Variants in SLC18A1 observed in about 807,000 individuals in gnomAD.
The protein encoded by SLC18A1 is solute carrier family 18 member A1.
Under a neutral mutation model 53.7 loss-of-function variants are expected in SLC18A1, and 69 were observed. The observed-to-expected ratio is 1.28, with a 90% CI of 1.06 to 1.57. The LOEUF is 1.57. SLC18A1 is among the 40% of genes most tolerant of loss of function. The probability of loss-of-function intolerance (pLI) is 0.00; values close to 1 mark genes in which losing one functional copy is unlikely to be tolerated. For missense variants in SLC18A1, 932 were observed against 668.1 expected (o/e 1.40, Z -4.35); for synonymous variants, 320 against 248.1 (o/e 1.29, Z -2.72).
chr8:20,166,321 A>ATATATATG (rs1554537701), intron 8 of SLC18A1, among the ~76,000 whole-genome samples: 53 of 97,106 alleles, frequency 5.5e-4, no homozygotes, highest in Middle Eastern at 6.0e-3. Context: ...ATATATATAT[A>ATATATATG]TATATATATA....
intron 6 of SLC18A1, 49 bp downstream of exon 6, chr8:20,172,987 C>T: frequency 3.0e-6 from 4 of 1,353,560 alleles, no homozygotes; most frequent in Non-Finnish European, 4.1e-6. Context: ...ACACCTGCTT[C>T]CTAGAGTCCC....
Position 20,147,620 on chromosome 8 carries a change from C to CA in SLC18A1, c.1312dup (p.Cys438LeufsTer81), listed in dbSNP as rs2071434367. ...CAACATACCTATAGCAAAGCCCATG[C>CA]AAAAAGCCACATCAGCGATGGCGTA... On this transcript the variant is annotated frameshift_variant, in exon 14 of 16. Coordinates refer to ENST00000276373, the MANE Select transcript of SLC18A1 (RefSeq NM_003053.4). LOFTEE classifies it high-confidence loss of function. The CA allele has an allele frequency of 1.2e-6, 2 of 1,613,984 alleles. No individual in the cohort carries two copies. Among genetic ancestry groups the CA allele is most frequent in the South Asian group, 2.2e-5 (2 of 91,076 alleles).
rs1209376431 is a variant in SLC18A1 at position 20,173,069 on chromosome 8, T to A, written c.691A>T (p.Thr231Ser). 5 of 1,591,948 alleles carry A rather than the reference T, an allele frequency of 3.1e-6. No individual in the cohort carries two copies. The South Asian group carries it at 5.7e-5, about 18-fold the overall frequency. ...CCCAAGGCCAGGCCCCCCAGAGCAGTTCCCATGGCTCGTCCTCTCTCATGG... is the reference window on the plus strand; with the variant it reads ...CCCAAGGCCAGGCCCCCCAGAGCAGATCCCATGGCTCGTCCTCTCTCATGG... The part of the protein sequence containing the change: ...DDHERGRAMG[T>S]ALGGLALGLL... The change falls in exon 6 of 16, where the codon ACT becomes TCT. Residue 231 changes from threonine (T) to serine (S), a missense_variant. By Grantham distance (58) the Thr-to-Ser change is moderately conservative. Coordinates refer to ENST00000276373, the MANE Select transcript of SLC18A1 (RefSeq NM_003053.4).
intron 10 of SLC18A1, among the ~76,000 whole-genome samples, chr8:20,152,221 T>C (rs911884800): frequency 6.6e-6 from 1 of 152,164 alleles, no homozygotes; most frequent in Non-Finnish European, 1.5e-5. Context: ...GCCTGAAATA[T>C]AAGAGGAAAG....
chr8:20,153,205 A>G (rs2071602305), intron 10 of SLC18A1, among the ~76,000 whole-genome samples: 1 of 148,966 alleles, frequency 6.7e-6, no homozygotes, highest in East Asian at 1.9e-4. Flanking sequence ...TGAGACCAAC[A>G]GCGTGGTTGT....
chr8:20,159,664 G>A (rs57301256), intron 10 of SLC18A1, among the ~76,000 whole-genome samples: 7,212 of 81,800 alleles, frequency 0.088, 237 homozygotes, highest in Middle Eastern at 0.21. Flanking sequence ...AAAAAAAAAA[G>A]AAAGAAAAAG....
intron 10 of SLC18A1, among the ~76,000 whole-genome samples, chr8:20,152,939 A>C (rs752187227): frequency 1.7e-4 from 26 of 152,158 alleles, no homozygotes; most frequent in Non-Finnish European, 3.7e-4. Flanking sequence ...TATTGGGTAC[A>C]CTTAGTGATG....
chr8:20,147,722 C>A lies in SLC18A1; in HGVS notation c.1211G>T (p.Gly404Val), dbSNP rs1448751724. The change falls in exon 14 of 16, where the codon GGC (glycine) becomes GTC (valine). Residue 404 changes from glycine to valine, a missense_variant and splice_region_variant. Coordinates refer to ENST00000276373, the MANE Select transcript of SLC18A1 (RefSeq NM_003053.4). ...GPNAGLGLAI[G>V]MVDSSMMPIM... ...GGGCATCATAGAAGAATCCACCATG[C>A]CTGTGGCCAGAGCAAACAGGACACA... 7.4e-6 allele frequency: 12 copies of A among 1,612,828 alleles called. No individual in the cohort carries two copies. In the South Asian group the frequency reaches 1.2e-4, roughly 16 times the overall value.
chr8:20,174,305 G>T, intron 5 of SLC18A1, 56 bp downstream of exon 5: 1 of 1,167,672 alleles, frequency 8.6e-7, no homozygotes, highest in Non-Finnish European at 1.3e-6. Flanking sequence ...GGTAGTAAGA[G>T]ATGTGTGTGT....
chr8:20,174,483 A>G (rs1176190291), intron 4 of SLC18A1, 39 bp from the exon 5 acceptor site: 3 of 1,480,338 alleles, frequency 2.0e-6, no homozygotes, highest in Non-Finnish European at 2.8e-6. Context: ...CAGTTAGCAA[A>G]TTGCCTTTGC....
chr8:20,164,832 C>G lies in SLC18A1; in HGVS notation c.1015+37G>C, dbSNP rs768803744. 5 of 1,518,202 alleles carry G rather than the reference C, an allele frequency of 3.3e-6. No individual in the cohort carries two copies. In the East Asian group the frequency reaches 1.1e-4, roughly 34 times the overall value. 94.0% of individuals were successfully genotyped at this position (1,518,202 alleles called of 1,614,324 possible). On this transcript the variant is annotated intron_variant, in intron 10 of 15. Transcript: ENST00000276373. ...AAGGACTCATGGCACCCACCTCCTC[C>G]TGCCAGGCCCTGAGCGGGGGTGCTG... is the stretch of plus-strand genomic sequence containing the variant.
chr8:20,169,883 A>C (rs1204164470), intron 8 of SLC18A1, among the ~76,000 whole-genome samples: 2 of 152,122 alleles, frequency 1.3e-5, no homozygotes, highest in African/African-American at 4.8e-5. Flanking sequence ...CGTCTCAAAA[A>C]AGTAGATATT....
chr8:20,181,769 A>T (rs2072433934), intron 1 of SLC18A1: 1 of 152,034 alleles, frequency 6.6e-6, no homozygotes, highest in South Asian at 2.1e-4. Context: ...TAGACAAGAA[A>T]TCCGAGCCTC....
intron 8 of SLC18A1, among the ~76,000 whole-genome samples, chr8:20,170,203 C>G (rs113320215): frequency 6.6e-6 from 1 of 151,892 alleles, no homozygotes; most frequent in African/African-American, 2.4e-5. Context: ...CTGCGGGAGG[C>G]TCCTAGTTGC....
chr8:20,182,065 G>C (rs760160048), intron 1 of SLC18A1: 1 of 152,094 alleles, frequency 6.6e-6, no homozygotes, highest in South Asian at 2.1e-4. Flanking sequence ...AGAGTTTCTG[G>C]GGAGAATTTC....
chr8:20,155,733 T>C (rs2071667348), intron 10 of SLC18A1, among the ~76,000 whole-genome samples: 1 of 152,116 alleles, frequency 6.6e-6, no homozygotes, highest in Non-Finnish European at 1.5e-5. Context: ...GACTTTCACT[T>C]CCTCTCCCAA....
chr8:20,165,014 T>A, intron 9 of SLC18A1, 33 bp downstream of exon 9: 1 of 1,613,598 alleles, frequency 6.2e-7, no homozygotes, highest in Non-Finnish European at 8.5e-7. Context: ...GCCCAGACAC[T>A]CCCCGCCCAA....
At chr8:20,172,395 C>A (rs898360389) in intron 6 of SLC18A1, among the ~76,000 whole-genome samples, 3 of 152,206 alleles carry the variant, frequency 2.0e-5, no homozygotes, top group African/African-American at 7.2e-5. Context: ...TTTCGATGAG[C>A]TTGTAAGCTC....
Position 20,178,121 on chromosome 8 carries a change from A to ACACAC in SLC18A1, c.547+313_547+314insGTGTG, listed in dbSNP as rs57594254. On this transcript the variant is annotated intron_variant, in intron 4 of 15. Transcript: ENST00000276373. ...TGCTCAAGGGATTACTGATGCATAT[A>ACACAC]ACACACACACACACACACACACACA... 3.7e-3 allele frequency among the ~76,000 whole-genome samples: 553 copies of ACACAC among 148,828 alleles called. 18 individuals carry two copies. In the East Asian group the frequency reaches 0.065, roughly 18 times the overall value.
Sources: allele counts gnomAD v4.1 joint callset (sites outside exome capture counted in the v4.1 genomes callset), GRCh38; gene constraint gnomAD v4.1.1; transcripts MANE v1.5; gene names NCBI Gene and HGNC (gene_info 2026-07-23, HGNC 2026-07-21).